ZNF708: variants seen among roughly 807,000 people sequenced by gnomAD.
ZNF708 encodes ZNF15, ZNF15L1.
Under a neutral mutation model 47.0 loss-of-function variants are expected in ZNF708, and 44 were observed. That is an observed-to-expected ratio of 0.94 (90% CI 0.74 to 1.20). The LOEUF is 1.20. Ranked by LOEUF, ZNF708 falls within the 50% of genes most tolerant of loss-of-function variation. ZNF708 has a pLI of 0.00. For synonymous variants in ZNF708, 184 were observed against 218.5 expected, an observed-to-expected ratio of 0.84 and a Z score of 1.39; for missense variants, 557 against 656.0, an observed-to-expected ratio of 0.85 and a Z score of 1.65.
At chr19:21,307,001 A>G (rs1203951862) in intron 3 of ZNF708, 3 of 146,272 alleles carry the variant, frequency 2.1e-5, no homozygotes, top group Admixed American at 7.0e-5. Flanking sequence ...AACATAACAT[A>G]ACATAACATA....
intron 3 of ZNF708, among the ~76,000 whole-genome samples, chr19:21,297,827 AAAT>A (rs1169282851): frequency 1.3e-5 from 2 of 152,176 alleles, no homozygotes; most frequent in Non-Finnish European, 2.9e-5. Context: ...GAAGAGGTCA[AAAT>A]AATATTACAC....
rs201794948 is a variant in ZNF708, at chr19:21,301,638, CA to C, written c.227-6900del. Among the ~76,000 whole-genome samples, 298 of 148,014 alleles carry C rather than the reference CA, an allele frequency of 2.0e-3. 1 individual carries two copies. The highest frequency in any genetic ancestry group is 6.9e-3 in the African/African-American group (277 of 40,362). ...CTCAAAAATAAAACAAACAAACAAA[CA>C]AAAAAAAATTAGCTGGGCATGGTGG... On this transcript the variant is annotated intron_variant, in intron 3 of 3. Transcript: ENST00000356929.
At chr19:21,309,397 C>T (rs1972852271) in intron 2 of ZNF708, 56 bp from the exon 3 acceptor site, 3 of 1,446,716 alleles carry the variant, frequency 2.1e-6, no homozygotes, top group East Asian at 5.6e-5. Context: ...AATTACCAAC[C>T]TAGTAATTTT....
At chr19:21,322,388 G>T (rs1356871545) in intron 1 of ZNF708, among the ~76,000 whole-genome samples, 3 of 150,986 alleles carry the variant, frequency 2.0e-5, no homozygotes, top group Non-Finnish European at 4.4e-5. Context: ...TGCAACCTCT[G>T]CCTCCCGGGT....
rs373318651 is a variant in ZNF708, at chr19:21,293,566, T to G, written c.1400A>C (p.Lys467Thr). The change falls in exon 4 of 4, where the codon AAA (lysine) becomes ACA (threonine). Residue 467 changes from lysine to threonine, a missense_variant. Physicochemically the swap from Lys to Thr is moderately conservative, Grantham distance 78. Transcript: ENST00000356929. The part of the protein sequence containing the change: ...FNYSSNFTNH[K>T]KIHTGEKPYK... Reference sequence around the variant, plus strand: ...GGGTTTCTCTCCAGTATGAATTTTTTTATGATTAGTAAAATTTGAGGAGTA... The same window carrying G: ...GGGTTTCTCTCCAGTATGAATTTTTGTATGATTAGTAAAATTTGAGGAGTA... 24 of 1,613,026 alleles carry G rather than the reference T, an allele frequency of 1.5e-5. No homozygotes were observed. The highest frequency in any genetic ancestry group is 1.6e-4 in the Middle Eastern group (1 of 6,076).
chr19:21,328,206 A>C (rs1351526557), intron 1 of ZNF708: 1 of 159,460 alleles, frequency 6.3e-6, no homozygotes, highest in Non-Finnish European at 1.3e-5. Flanking sequence ...AAGCCATAGA[A>C]ATTTCATAAA....
At chr19:21,303,690 A>C (rs915339095) in intron 3 of ZNF708, among the ~76,000 whole-genome samples, 2 of 152,090 alleles carry the variant, frequency 1.3e-5, no homozygotes, top group African/African-American at 4.8e-5. Context: ...TGCATTGAAT[A>C]GACTGAAAGT....
At chr19:21,296,055 A>G (rs1447595932) in intron 3 of ZNF708, among the ~76,000 whole-genome samples, 1 of 152,128 alleles carries the variant, frequency 6.6e-6, no homozygotes, top group African/African-American at 2.4e-5. Flanking sequence ...GAATCTTGGG[A>G]GCTGCAAGAT....
chr19:21,296,597 C>A (rs1225833463), intron 3 of ZNF708, among the ~76,000 whole-genome samples: 1 of 152,094 alleles, frequency 6.6e-6, no homozygotes, highest in Non-Finnish European at 1.5e-5. Context: ...TATATTGGCA[C>A]TTCATATGCC....
At chr19:21,300,029 A>G (rs1972621927) in intron 3 of ZNF708, among the ~76,000 whole-genome samples, 1 of 152,094 alleles carries the variant, frequency 6.6e-6, no homozygotes, top group African/African-American at 2.4e-5. Context: ...ATACATGGAT[A>G]GGCTGGGTGC....
rs564395982 is a variant in ZNF708, at chr19:21,309,715, AT to A, written c.131-375del. Reference sequence around the variant, plus strand: ...GAGCAAGACTCCGTCTCAGAAAAAAATATTTTAAAAAGAGAATGTAATAGAA... The same window carrying A: ...GAGCAAGACTCCGTCTCAGAAAAAAAATTTTAAAAAGAGAATGTAATAGAA... On this transcript the variant is annotated intron_variant, in intron 2 of 3. Coordinates refer to ENST00000356929, the MANE Select transcript of ZNF708 (RefSeq NM_021269.3). Among the ~76,000 whole-genome samples, 368 of 152,350 alleles carry A rather than the reference AT, an allele frequency of 2.4e-3. 2 individuals are homozygous for A. Among genetic ancestry groups the A allele is most frequent in the Admixed American group, 5.3e-3 (81 of 15,302 alleles).
intron 1 of ZNF708, among the ~76,000 whole-genome samples, chr19:21,322,243 G>A (rs1973162543): frequency 6.6e-6 from 1 of 152,076 alleles, no homozygotes; most frequent in African/African-American, 2.4e-5. Context: ...ATCCTGTGGT[G>A]GCAGCTGTGG....
At chr19:21,296,847 T>C (rs955996333) in intron 3 of ZNF708, among the ~76,000 whole-genome samples, 11 of 151,602 alleles carry the variant, frequency 7.3e-5, no homozygotes, top group African/African-American at 2.7e-4. Flanking sequence ...AATAAATAAT[T>C]AGTGGCCAGG....
At chr19:21,316,228 G>T (rs1207795938) in intron 1 of ZNF708, among the ~76,000 whole-genome samples, 1 of 146,460 alleles carries the variant, frequency 6.8e-6, no homozygotes, top group African/African-American at 2.5e-5. Context: ...CCTCCTCCCG[G>T]ATTCTCCTGC....
intron 1 of ZNF708, chr19:21,318,369 T>C (rs1973058385): frequency 1.3e-5 from 2 of 152,316 alleles, no homozygotes; most frequent in South Asian, 4.1e-4. Context: ...GCATTAGGGC[T>C]TCTAAAACAG....
At chr19:21,321,969 A>G (rs927916007) in intron 1 of ZNF708, among the ~76,000 whole-genome samples, 3 of 152,116 alleles carry the variant, frequency 2.0e-5, no homozygotes, top group Admixed American at 2.0e-4. Flanking sequence ...CTGTACTCTA[A>G]TTTATTTCTC....
chr19:21,325,348 T>C (rs190521014), intron 1 of ZNF708, among the ~76,000 whole-genome samples: 1 of 152,234 alleles, frequency 6.6e-6, no homozygotes, highest in East Asian at 1.9e-4. Flanking sequence ...AAACAGCATG[T>C]TACTGGTTTA....
intron 1 of ZNF708, among the ~76,000 whole-genome samples, chr19:21,327,122 C>A (rs1024644937): frequency 6.6e-6 from 1 of 152,104 alleles, no homozygotes; most frequent in Non-Finnish European, 1.5e-5. Context: ...TATTTTCTTA[C>A]CTTCCAAGTC....
chr19:21,295,499 A>G (rs1391129681), intron 3 of ZNF708, among the ~76,000 whole-genome samples: 1 of 152,218 alleles, frequency 6.6e-6, no homozygotes, highest in African/African-American at 2.4e-5. Context: ...TAATCCCAGC[A>G]TTTTGGGAGG....
Sources: gnomAD v4.1 joint callset for allele counts (sites outside exome capture counted in the v4.1 genomes callset) on GRCh38, gnomAD v4.1.1 for gene constraint, MANE v1.5 for transcripts, NCBI Gene and HGNC (gene_info 2026-07-23, HGNC 2026-07-21) for gene names.